The following LMAN2L variants were observed in gnomAD, a reference collection of about 807,000 sequenced individuals.
LMAN2L encodes VIP36-like protein.
Under a neutral mutation model 44.3 loss-of-function variants are expected in LMAN2L, and 30 were observed. The ratio of observed to expected loss-of-function variants is 0.68; its 90% CI spans 0.51 to 0.92. The LOEUF (loss-of-function observed/expected upper bound fraction) is 0.92, where lower values mean the gene tolerates loss of function less well. LMAN2L is among the 40% of genes least tolerant of loss of function. LMAN2L has a pLI of 0.00. For missense variants in LMAN2L, 429 were observed against 446.1 expected, an observed-to-expected ratio of 0.96 and a Z score of 0.35; for synonymous variants, 183 against 171.1, an observed-to-expected ratio of 1.07 and a Z score of -0.54.
rs951629991 is a variant in LMAN2L, at chr2:96,707,155, G to T, written c.*101C>A. 2 of 1,155,998 alleles carry T rather than the reference G, an allele frequency of 1.7e-6. No individual in the cohort carries two copies. The allele number at this position is 1,155,998 out of a possible 1,614,324, so 71.6% of individuals were successfully genotyped here. A position where few individuals can be genotyped will look rare whatever the true frequency, so the allele number is the denominator to read the frequency against. Reference sequence around the variant, plus strand: ...GACAGAATATAGTCCCCAACCAGCTGCTAGAGACAAGAACACTCTCCAGGC... The same window carrying T: ...GACAGAATATAGTCCCCAACCAGCTTCTAGAGACAAGAACACTCTCCAGGC... On this transcript the variant is annotated 3_prime_UTR_variant, in exon 8 of 8. Transcript: ENST00000264963.
intron 4 of LMAN2L, among the ~76,000 whole-genome samples, chr2:96,729,237 A>G (rs1334364373): frequency 6.6e-6 from 1 of 152,020 alleles, no homozygotes; most frequent in East Asian, 1.9e-4. Context: ...ATTCTCAAGA[A>G]AGAAGTCAAC....
At chr2:96,728,899 G>A (rs888895407) in intron 4 of LMAN2L, among the ~76,000 whole-genome samples, 2 of 150,636 alleles carry the variant, frequency 1.3e-5, no homozygotes, top group African/African-American at 2.4e-5. Context: ...AAGGCCAGGC[G>A]CAGTGGCTCA....
chr2:96,737,513 T>C lies in LMAN2L; in HGVS notation c.306+436A>G, dbSNP rs1297293157. 3.3e-5 allele frequency among the ~76,000 whole-genome samples: 5 copies of C among 152,224 alleles called. No homozygotes were observed. The East Asian group carries it at 7.7e-4, about 24-fold the overall frequency. On this transcript the variant is annotated intron_variant, in intron 2 of 7. Coordinates refer to ENST00000264963, the MANE Select transcript of LMAN2L (RefSeq NM_030805.4). ...AAAAACGTTTTAAAAATTAGCCAGG[T>C]GCAGTGGCACATGCCTGTAGTCTCA...
rs756734542 is a variant in LMAN2L, at chr2:96,739,900, C to T, written c.141G>A (p.Thr47=). 2.4e-5 allele frequency: 39 copies of T among 1,613,972 alleles called. No homozygotes were observed. Among genetic ancestry groups the T allele is most frequent in the Non-Finnish European group, 3.2e-5 (38 of 1,180,048 alleles). ...QGPQQVGAGQ[T]FEYLKREHSL... is the part of the protein sequence containing the mutation. ...AGTGCTCCCGTTTCAAGTACTCGAA[C>T]GTTTGACCCGCCCCGACTTGCTGTG... The change falls in exon 1 of 8, where the codon ACG becomes ACA. Residue 47 remains threonine (T), a synonymous_variant. Transcript: ENST00000264963.
chr2:96,717,092 C>CT (rs989016585), intron 4 of LMAN2L, among the ~76,000 whole-genome samples: 14 of 149,574 alleles, frequency 9.4e-5, no homozygotes, highest in Admixed American at 2.7e-4. Flanking sequence ...CATAAAATAA[C>CT]TTTTTTTTTT....
intron 5 of LMAN2L, 23 bp downstream of exon 5, chr2:96,711,841 T>C: frequency 6.2e-7 from 1 of 1,613,834 alleles, no homozygotes; most frequent in Non-Finnish European, 8.5e-7. Context: ...CACCACCATC[T>C]GGTCCAGGAC....
At chr2:96,726,545 G>A (rs543235184) in intron 4 of LMAN2L, among the ~76,000 whole-genome samples, 4 of 152,146 alleles carry the variant, frequency 2.6e-5, no homozygotes, top group South Asian at 4.1e-4. Context: ...CACTTTGGGC[G>A]GCCGAGATGG....
At chr2:96,723,397 T>C (rs1435396124) in intron 4 of LMAN2L, among the ~76,000 whole-genome samples, 2 of 152,226 alleles carry the variant, frequency 1.3e-5, no homozygotes, top group African/African-American at 4.8e-5. Context: ...TGTCTTACTA[T>C]TGAGTTGTAA....
intron 4 of LMAN2L, among the ~76,000 whole-genome samples, chr2:96,717,526 T>G (rs34953686): frequency 0.18 from 21,321 of 118,900 alleles, 2,191 homozygotes; most frequent in Middle Eastern, 0.34. Flanking sequence ...AACCAAACCC[T>G]GTGTCGGAAA....
intron 4 of LMAN2L, 37 bp from the exon 5 acceptor site, chr2:96,712,062 G>A (rs935572261): frequency 6.9e-6 from 11 of 1,604,380 alleles, no homozygotes; most frequent in African/African-American, 5.4e-5. Flanking sequence ...CACTAAGGAA[G>A]AGCACATAGG....
At chr2:96,715,053 C>T (rs1368266887) in intron 4 of LMAN2L, among the ~76,000 whole-genome samples, 1 of 152,196 alleles carries the variant, frequency 6.6e-6, no homozygotes, top group Non-Finnish European at 1.5e-5. Context: ...ATTCTCCTGC[C>T]TCAGCCTTAT....
Position 96,724,841 on chromosome 2 carries a change from A to T in LMAN2L, c.507+8678T>A, listed in dbSNP as rs570017020. 4.7e-3 allele frequency among the ~76,000 whole-genome samples: 690 copies of T among 147,588 alleles called. 4 individuals carry two copies. The highest frequency in any genetic ancestry group is 5.6e-3 in the Non-Finnish European group (371 of 66,666). ...TTTTTATTTTTATTTTTATTTATTT[A>T]TTTTTTTTTTGATGGAGTCTTGCTC... On this transcript the variant is annotated intron_variant, in intron 4 of 7. Coordinates refer to ENST00000264963, the MANE Select transcript of LMAN2L (RefSeq NM_030805.4).
intron 4 of LMAN2L, among the ~76,000 whole-genome samples, chr2:96,725,587 C>T (rs1372734966): frequency 2.6e-5 from 4 of 151,528 alleles, no homozygotes; most frequent in African/African-American, 9.7e-5. Flanking sequence ...GGACTACAGG[C>T]GCCCGCCACC....
At chr2:96,737,806 G>T in intron 2 of LMAN2L, 143 bp downstream of exon 2, 1 of 627,460 alleles carries the variant, frequency 1.6e-6, no homozygotes, top group Non-Finnish European at 2.9e-6. Context: ...ATCAAGGTCA[G>T]AATAATCTCA....
chr2:96,711,976 T>C lies in LMAN2L; in HGVS notation c.557A>G (p.Tyr186Cys), dbSNP rs377645788. ...AGGCCGCCCATCCCGCTCATGATCATAGCTGAGGGAGCCGTTGTTCACCAT... is the reference window on the plus strand; with the variant it reads ...AGGCCGCCCATCCCGCTCATGATCACAGCTGAGGGAGCCGTTGTTCACCAT... ...SAMVNNGSLS[Y>C]DHERDGRPTE... The change falls in exon 5 of 8, where the codon TAT (tyrosine) becomes TGT (cysteine). Residue 186 changes from tyrosine (Y) to cysteine (C), a missense_variant. Transcript: ENST00000264963. 6 of 1,614,130 alleles carry C rather than the reference T, an allele frequency of 3.7e-6. No individual in the cohort carries two copies. In the East Asian group the frequency reaches 6.7e-5, roughly 18 times the overall value.
At position 96,737,970 on chromosome 2, in the gene LMAN2L, C is replaced by T; in HGVS notation, c.285G>A (p.Gln95=). The T allele has an allele frequency of 6.2e-7, 1 of 1,613,078 alleles. No homozygotes were observed. The highest frequency in any genetic ancestry group is 8.5e-7 in the Non-Finnish European group (1 of 1,179,048). Reference sequence around the variant, plus strand: ...TTACCACCCGGTTCCACAAGGCACCCTGTTTACTTTGCATATCTGGGGTAA... The same window carrying T: ...TTACCACCCGGTTCCACAAGGCACCTTGTTTACTTTGCATATCTGGGGTAA... ...IRLTPDMQSK[Q]GALWNRVPCF... Residue 95 remains glutamine, a synonymous_variant, in exon 2 of 8, where the codon CAG becomes CAA. Coordinates refer to ENST00000264963, the MANE Select transcript of LMAN2L (RefSeq NM_030805.4).
chr2:96,710,518 T>C (rs961051731), intron 6 of LMAN2L, among the ~76,000 whole-genome samples: 2 of 151,976 alleles, frequency 1.3e-5, no homozygotes, highest in Non-Finnish European at 2.9e-5. Context: ...ATACAAAAAT[T>C]AGCTGGGCGT....
intron 4 of LMAN2L, among the ~76,000 whole-genome samples, chr2:96,721,586 G>C (rs1018311820): frequency 6.6e-6 from 1 of 151,626 alleles, no homozygotes; most frequent in African/African-American, 2.4e-5. Flanking sequence ...CTACAGCCTT[G>C]ACCTCCTGGA....
intron 1 of LMAN2L, among the ~76,000 whole-genome samples, chr2:96,738,819 T>A (rs2078572148): frequency 6.6e-6 from 1 of 151,956 alleles, no homozygotes; most frequent in African/African-American, 2.4e-5. Flanking sequence ...CGGCTCACTG[T>A]AAGCTCTGCC....
Sources: allele counts gnomAD v4.1 joint callset (sites outside exome capture counted in the v4.1 genomes callset), GRCh38; gene constraint gnomAD v4.1.1; transcripts MANE v1.5; gene names NCBI Gene and HGNC (gene_info 2026-07-23, HGNC 2026-07-21).